AUTS2: variants seen among roughly 807,000 people sequenced by gnomAD.
The protein encoded by AUTS2 is autism susceptibility gene 2 protein.
Under a neutral mutation model 112.4 loss-of-function variants are expected in AUTS2, and 17 were observed. The ratio of observed to expected loss-of-function variants is 0.15; its 90% confidence interval spans 0.10 to 0.23. The LOEUF (loss-of-function observed/expected upper bound fraction) is 0.23. Ranked by LOEUF, AUTS2 falls within the 10% of genes least tolerant of loss-of-function variation. The pLI is 1.00. For missense variants in AUTS2, 1,510 were observed against 1,701.6 expected (o/e 0.89, Z 1.98); for synonymous variants, 751 against 702.7 (o/e 1.07, Z -1.09).
At chr7:70,360,306 T>G (rs1792201759) in intron 4 of AUTS2, among the ~76,000 whole-genome samples, 1 of 152,032 alleles carries the variant, frequency 6.6e-6, no homozygotes. Flanking sequence ...TAAACTTTTT[T>G]TCTAGGGATG....
In AUTS2 at chr7:70,000,350, CA is replaced by C. The variant is rs200709478; in HGVS notation, c.522+100853del. ...ACAGGGCCTCAAATTGTACTGTAAT[CA>C]TATGTCTTTTACCTGTTCTCTGGCA... is the stretch of plus-strand genomic sequence containing the variant. On this transcript the variant is annotated intron_variant, in intron 2 of 18. Coordinates refer to ENST00000342771, the MANE Select transcript of AUTS2 (RefSeq NM_015570.4). Among the ~76,000 whole-genome samples, 858 of 152,250 alleles carry C rather than the reference CA, an allele frequency of 5.6e-3. 5 individuals carry two copies. Among genetic ancestry groups the C allele is most frequent in the African/African-American group, 0.019 (801 of 41,540 alleles).
intron 4 of AUTS2, among the ~76,000 whole-genome samples, chr7:70,198,628 G>A (rs1162376060): frequency 2.1e-5 from 2 of 95,196 alleles, no homozygotes; most frequent in Non-Finnish European, 4.2e-5. Context: ...AAGCGAGAAG[G>A]GAAGTTTAGA....
intron 15 of AUTS2, 35 bp downstream of exon 15, chr7:70,781,791 G>T: frequency 6.2e-7 from 1 of 1,605,044 alleles, no homozygotes; most frequent in South Asian, 1.1e-5. Flanking sequence ...ACAGAGCTGA[G>T]AAATGTAGTT....
At chr7:69,795,679 A>T (rs561605218) in intron 1 of AUTS2, among the ~76,000 whole-genome samples, 109 of 152,206 alleles carry the variant, frequency 7.2e-4, no homozygotes, top group Non-Finnish European at 1.3e-3. Context: ...GGTTTGTTCT[A>T]TAGATAGATT....
At chr7:70,410,826 GAAAT>G (rs1400350316) in intron 4 of AUTS2, among the ~76,000 whole-genome samples, 4 of 150,824 alleles carry the variant, frequency 2.7e-5, no homozygotes, top group Non-Finnish European at 5.9e-5. Context: ...AGGAACTAAG[GAAAT>G]AAATTATTAT....
At position 70,321,827 on chromosome 7, in the gene AUTS2, G is replaced by A. The variant is rs138315960; in HGVS notation, c.661-113925G>A. On this transcript the variant is annotated intron_variant, in intron 4 of 18. Transcript: ENST00000342771. ...GAATTTATTATTATATGTCCCTCCC[G>A]CCCCGAGAATAGTACCCTATAGTTT... is the stretch of plus-strand genomic sequence containing the variant. Among the ~76,000 whole-genome samples, 118 of 151,976 alleles carry A rather than the reference G, an allele frequency of 7.8e-4. 2 individuals carry two copies. Among genetic ancestry groups the A allele is most frequent in the Middle Eastern group, 3.4e-3 (1 of 294 alleles).
intron 4 of AUTS2, among the ~76,000 whole-genome samples, chr7:70,435,486 C>T (rs1045062724): frequency 2.0e-5 from 3 of 152,184 alleles, no homozygotes; most frequent in Non-Finnish European, 4.4e-5. Flanking sequence ...GAGCACCTTG[C>T]TGGACTGACC....
In AUTS2 at chr7:70,568,160, T is replaced by C. The variant is rs1327862731; in HGVS notation, c.691-130409T>C. Among the ~76,000 whole-genome samples, 2 of 152,236 alleles carry C rather than the reference T, an allele frequency of 1.3e-5. 1 individual carries two copies. Among genetic ancestry groups the C allele is most frequent in the Non-Finnish European group, 2.9e-5 (2 of 68,036 alleles). On this transcript the variant is annotated intron_variant, in intron 5 of 18. Coordinates refer to ENST00000342771, the MANE Select transcript of AUTS2 (RefSeq NM_015570.4). ...TTCAGAATAAGTCACTTTGGTCTTT[T>C]CTTTGCACATGTTCACTTTCTAATA...
intron 2 of AUTS2, among the ~76,000 whole-genome samples, chr7:69,939,708 A>G (rs1796549987): frequency 6.6e-6 from 1 of 152,224 alleles, no homozygotes; most frequent in Non-Finnish European, 1.5e-5. Flanking sequence ...CGTGGTTCCT[A>G]CTTAGGCATA....
At chr7:69,982,869 A>G (rs1798354172) in intron 2 of AUTS2, among the ~76,000 whole-genome samples, 1 of 152,224 alleles carries the variant, frequency 6.6e-6, no homozygotes, top group Non-Finnish European at 1.5e-5. Flanking sequence ...CCATTCAGCA[A>G]GAAATAAGAG....
intron 1 of AUTS2, among the ~76,000 whole-genome samples, chr7:69,760,201 T>C (rs1291732654): frequency 6.1e-5 from 9 of 148,106 alleles, no homozygotes; most frequent in Admixed American, 5.3e-4. Context: ...TTTTTTCTTT[T>C]TTTTTTTTTT....
rs369831199 is a variant in AUTS2, at chr7:70,765,009, G to T, written c.1468+4G>T. The T allele has an allele frequency of 7.2e-5, 116 of 1,613,646 alleles. No individual in the cohort carries two copies. The highest frequency in any genetic ancestry group is 9.7e-5 in the Non-Finnish European group (114 of 1,179,952). On this transcript the variant is annotated splice_donor_region_variant and intron_variant, in intron 8 of 18. Transcript: ENST00000342771. ...CCGGCCGGGAGCACTTACTCAGGTA[G>T]GACGGAGGGGCCTGTGCTCGTGACC...
At chr7:69,737,282 A>G (rs1470285383) in intron 1 of AUTS2, among the ~76,000 whole-genome samples, 2 of 152,194 alleles carry the variant, frequency 1.3e-5, no homozygotes, top group Non-Finnish European at 2.9e-5. Flanking sequence ...GCTAACATTT[A>G]TCAAATGCTA....
At position 70,564,955 on chromosome 7, in the gene AUTS2, G is replaced by A. The variant is rs112334298; in HGVS notation, c.690+129174G>A. Among the ~76,000 whole-genome samples the A allele has an allele frequency of 5.1e-3, 777 of 152,044 alleles. 7 individuals are homozygous for A. Among genetic ancestry groups the A allele is most frequent in the African/African-American group, 0.017 (725 of 41,480 alleles). ...TCTACTAAAAATACAAAAATTAGCC[G>A]GGGGTGGTGGTGCTCGCCTGTAGTC... On this transcript the variant is annotated intron_variant, in intron 5 of 18. Transcript: ENST00000342771.
At chr7:69,735,929 G>T (rs1787010265) in intron 1 of AUTS2, among the ~76,000 whole-genome samples, 1 of 152,164 alleles carries the variant, frequency 6.6e-6, no homozygotes, top group African/African-American at 2.4e-5. Flanking sequence ...AAAAGTCTGT[G>T]ATCTCTGCTT....
In AUTS2 at chr7:70,785,727, A is replaced by G. The variant is rs28538425; in HGVS notation, c.2225-228A>G. On this transcript the variant is annotated intron_variant, in intron 16 of 18. Coordinates refer to ENST00000342771, the MANE Select transcript of AUTS2 (RefSeq NM_015570.4). ...CCCCACTGGGCAAAGGAAGAGTAAT[A>G]CAAAATACACAGTTGTAGAAGAAGA... 0.03 allele frequency among the ~76,000 whole-genome samples: 4,593 copies of G among 152,356 alleles called. 217 individuals are homozygous for G. Among genetic ancestry groups the G allele is most frequent in the African/African-American group, 0.099 (4,117 of 41,572 alleles).
At chr7:70,259,163 C>T (rs971333813) in intron 4 of AUTS2, among the ~76,000 whole-genome samples, 3 of 152,114 alleles carry the variant, frequency 2.0e-5, no homozygotes, top group African/African-American at 7.2e-5. Flanking sequence ...ATTCTGTCCA[C>T]GATGCGAGCA....
intron 1 of AUTS2, among the ~76,000 whole-genome samples, chr7:69,833,915 G>A (rs1323730819): frequency 6.6e-6 from 1 of 152,108 alleles, no homozygotes; most frequent in African/African-American, 2.4e-5. Context: ...TAAAAAATAT[G>A]GTCATGGTTG....
In AUTS2 at chr7:70,493,940, A is replaced by T. The variant is rs181491748; in HGVS notation, c.690+58159A>T. 1.8e-3 allele frequency among the ~76,000 whole-genome samples: 280 copies of T among 152,348 alleles called. 2 individuals carry two copies. The highest frequency in any genetic ancestry group is 6.5e-3 in the African/African-American group (270 of 41,586). ...AATAAAATCCACTGACCAGAAAAAA[A>T]TATGTAAAATGATAAGGCAGGATAA... On this transcript the variant is annotated intron_variant, in intron 5 of 18. Transcript: ENST00000342771.
Sources: allele counts gnomAD v4.1 joint callset (sites outside exome capture counted in the v4.1 genomes callset), GRCh38; gene constraint gnomAD v4.1.1; transcripts MANE v1.5; gene names NCBI Gene and HGNC (gene_info 2026-07-23, HGNC 2026-07-21).